CTNNA3: variants seen among roughly 807,000 people sequenced by gnomAD.
The protein encoded by CTNNA3 is catenin alpha 3.
CTNNA3 carries 76 observed loss-of-function variants against 95.7 expected under a neutral mutation model. The observed-to-expected ratio is 0.79, with a 90% CI of 0.66 to 0.96. CTNNA3 has a LOEUF of 0.96. CTNNA3 is among the 40% of genes least tolerant of loss of function. The pLI is 0.00. For synonymous variants in CTNNA3, 431 were observed against 374.4 expected (o/e 1.15, Z -1.74); for missense variants, 1,191 against 1,089.8 (o/e 1.09, Z -1.31).
intron 10 of CTNNA3, among the ~76,000 whole-genome samples, chr10:66,529,452 T>TTTG (rs1589381220): frequency 3.4e-5 from 5 of 146,150 alleles, no homozygotes; most frequent in Admixed American, 6.8e-5. Flanking sequence ...TTTTTTTTGT[T>TTTG]TTTTTTTTTT....
chr10:66,831,059 A>G (rs1172033505), intron 7 of CTNNA3, among the ~76,000 whole-genome samples: 3 of 152,206 alleles, frequency 2.0e-5, no homozygotes, highest in Non-Finnish European at 4.4e-5. Flanking sequence ...CTTTACTCCC[A>G]TGAAATAGCC....
chr10:67,321,199 C>A (rs778240786), intron 5 of CTNNA3, among the ~76,000 whole-genome samples: 1 of 152,188 alleles, frequency 6.6e-6, no homozygotes, highest in Non-Finnish European at 1.5e-5. Context: ...ACTAATTATT[C>A]AATCACCAAT....
intron 5 of CTNNA3, among the ~76,000 whole-genome samples, chr10:67,310,685 G>A (rs1436304377): frequency 2.0e-5 from 3 of 152,288 alleles, no homozygotes; most frequent in Admixed American, 6.5e-5. Flanking sequence ...ATGGTGACAG[G>A]AGAGAGAAGT....
At chr10:67,507,436 G>A (rs1437639856) in intron 5 of CTNNA3, among the ~76,000 whole-genome samples, 1 of 151,816 alleles carries the variant, frequency 6.6e-6, no homozygotes, top group Non-Finnish European at 1.5e-5. Flanking sequence ...GCTGAGGCAG[G>A]AGAATTGCTT....
At chr10:66,557,427 A>G (rs1842425155) in intron 10 of CTNNA3, among the ~76,000 whole-genome samples, 1 of 152,172 alleles carries the variant, frequency 6.6e-6, no homozygotes, top group Non-Finnish European at 1.5e-5. Context: ...ATGCTCTGAT[A>G]TGATAACACA....
intron 5 of CTNNA3, among the ~76,000 whole-genome samples, chr10:67,478,136 G>C (rs1226776784): frequency 3.9e-5 from 6 of 151,998 alleles, no homozygotes; most frequent in Non-Finnish European, 8.8e-5. Context: ...ACAAAAATAA[G>C]AAAAAACTAT....
intron 9 of CTNNA3, among the ~76,000 whole-genome samples, chr10:66,741,216 T>G (rs1849315849): frequency 6.6e-6 from 1 of 152,160 alleles, no homozygotes; most frequent in Non-Finnish European, 1.5e-5. Flanking sequence ...GAACTGAAAG[T>G]AAAGAAGGCT....
At chr10:67,038,990 T>C (rs1002375400) in intron 7 of CTNNA3, among the ~76,000 whole-genome samples, 1 of 152,060 alleles carries the variant, frequency 6.6e-6, no homozygotes, top group South Asian at 2.1e-4. Flanking sequence ...TCAGGCATAA[T>C]CAAGAATTGG....
chr10:66,131,699 G>A (rs1439876497), intron 13 of CTNNA3, among the ~76,000 whole-genome samples: 3 of 152,112 alleles, frequency 2.0e-5, no homozygotes, highest in Non-Finnish European at 2.9e-5. Context: ...TACAAAAACA[G>A]ACACACAGAC....
intron 7 of CTNNA3, among the ~76,000 whole-genome samples, chr10:67,178,679 C>A (rs1029797078): frequency 6.6e-6 from 1 of 151,944 alleles, no homozygotes; most frequent in South Asian, 2.1e-4. Context: ...ATTGAACTTA[C>A]AATTTTATAA....
intron 5 of CTNNA3, among the ~76,000 whole-genome samples, chr10:67,430,564 G>C (rs1300621360): frequency 6.6e-6 from 1 of 151,810 alleles, no homozygotes; most frequent in African/African-American, 2.4e-5. Context: ...ATACAAGGGA[G>C]ATGGAAGGAG....
chr10:66,958,303 T>A (rs1848930715), intron 7 of CTNNA3, among the ~76,000 whole-genome samples: 2 of 126,374 alleles, frequency 1.6e-5, no homozygotes, highest in South Asian at 2.8e-4. Flanking sequence ...CCACCTGCTT[T>A]CTTGCAAAAA....
In CTNNA3 at chr10:67,231,320, G is replaced by A. The variant is rs183437771; in HGVS notation, c.580-11450C>T. ...GCAGTGGTTCTCCCAGCACGCAGCT[G>A]GAGATCTGAGAACCAGCAGACTGCC... is the stretch of plus-strand genomic sequence containing the variant. On this transcript the variant is annotated intron_variant, in intron 5 of 17. Transcript: ENST00000433211. 3.3e-3 allele frequency among the ~76,000 whole-genome samples: 506 copies of A among 152,330 alleles called. 1 individual carries two copies. The highest frequency in any genetic ancestry group is 0.011 in the African/African-American group (472 of 41,568).
intron 11 of CTNNA3, among the ~76,000 whole-genome samples, chr10:66,513,198 A>G (rs1840723066): frequency 6.6e-6 from 1 of 152,026 alleles, no homozygotes; most frequent in Admixed American, 6.6e-5. Flanking sequence ...TTTCATTTTT[A>G]TTCTTTTTTC....
intron 7 of CTNNA3, among the ~76,000 whole-genome samples, chr10:67,015,087 T>C (rs1156246508): frequency 1.3e-5 from 2 of 152,124 alleles, no homozygotes; most frequent in African/African-American, 2.4e-5. Context: ...TAGAATCATC[T>C]GTCTATTTCA....
At chr10:66,542,323 C>A (rs1237808307) in intron 10 of CTNNA3, among the ~76,000 whole-genome samples, 1 of 152,060 alleles carries the variant, frequency 6.6e-6, no homozygotes, top group African/African-American at 2.4e-5. Context: ...TTGTGGAAGA[C>A]AGTGTGGTGA....
At position 67,732,179 on chromosome 10, in the gene CTNNA3, G is replaced by A. The variant is rs537392683; in HGVS notation, c.-2+31255C>T. Among the ~76,000 whole-genome samples, 14 of 152,062 alleles carry A rather than the reference G, an allele frequency of 9.2e-5. 1 individual carries two copies. In the South Asian group the frequency reaches 2.5e-3, roughly 27 times the overall value. ...TTGTCTAAATTTAAGGGGCACAAGTGCAGCTTGGTTACATGGATATATTGC... is the reference window on the plus strand; with the variant it reads ...TTGTCTAAATTTAAGGGGCACAAGTACAGCTTGGTTACATGGATATATTGC... On this transcript the variant is annotated intron_variant, in intron 1 of 17. Transcript: ENST00000684154.
At chr10:67,220,496 A>G (rs1248040658) in intron 5 of CTNNA3, among the ~76,000 whole-genome samples, 1 of 152,170 alleles carries the variant, frequency 6.6e-6, no homozygotes, top group Non-Finnish European at 1.5e-5. Flanking sequence ...TTTGGGGGGA[A>G]AGGGCCTACA....
intron 1 of CTNNA3, among the ~76,000 whole-genome samples, chr10:67,675,267 A>G (rs1840515033): frequency 6.6e-6 from 1 of 152,166 alleles, no homozygotes; most frequent in Non-Finnish European, 1.5e-5. Flanking sequence ...TATTTTGACA[A>G]TAACACCATA....
Sources: gnomAD v4.1 joint callset for allele counts (sites outside exome capture counted in the v4.1 genomes callset) on GRCh38, gnomAD v4.1.1 for gene constraint, MANE v1.5 for transcripts, NCBI Gene and HGNC (gene_info 2026-07-23, HGNC 2026-07-21) for gene names.